Variants in R3HCC1 observed in about 807,000 individuals in gnomAD.
The protein encoded by R3HCC1 is R3H domain and coiled-coil containing 1, also known as R3H and coiled-coil domain-containing protein 1.
R3HCC1 carries 32 observed loss-of-function variants against 40.0 expected under a neutral mutation model. The observed-to-expected ratio is 0.80, with a 90% CI of 0.60 to 1.07. The LOEUF (loss-of-function observed/expected upper bound fraction) is 1.07. R3HCC1 is among the 50% of genes least tolerant of loss of function. R3HCC1 has a pLI of 0.00. For synonymous variants in R3HCC1, 237 were observed against 232.8 expected, an observed-to-expected ratio of 1.02 and a Z score of -0.17; for missense variants, 586 against 563.3, an observed-to-expected ratio of 1.04 and a Z score of -0.41.
rs1264915999 is a variant in R3HCC1 at position 23,290,276 on chromosome 8, G to A, written c.659G>A (p.Ser220Asn). The A allele has an allele frequency of 1.2e-5, 19 of 1,551,680 alleles. No individual in the cohort carries two copies. The highest frequency in any genetic ancestry group is 9.6e-5 in the African/African-American group (7 of 73,062). The change falls in exon 4 of 8, where the codon AGT becomes AAT. Residue 220 changes from serine (S) to asparagine (N), a missense_variant. By Grantham distance (46) the Ser-to-Asn change is conservative (BLOSUM62 1). Transcript: ENST00000265806. ...GGCCCTGAGCCTCTGGGGCCTGAGA[G>A]TCAGTCAGGGAAGGGAGACATGGTG...
Position 23,289,868 on chromosome 8 carries a change from T to C in R3HCC1, c.251T>C (p.Val84Ala), listed in dbSNP as rs551350647. Reference sequence around the variant, plus strand: ...ACCTCCTCCCATTCCTGCTCCAGGGTACCCAGTTCGGATGGCCTCTCTGGC... The same window carrying C: ...ACCTCCTCCCATTCCTGCTCCAGGGCACCCAGTTCGGATGGCCTCTCTGGC... The change falls in exon 4 of 8, where the codon GTA (valine) becomes GCA (alanine). Residue 84 changes from valine to alanine, a missense_variant and splice_region_variant. By Grantham distance (64) the Val-to-Ala change is moderately conservative (BLOSUM62 0). Coordinates refer to ENST00000265806, the MANE Select transcript of R3HCC1 (RefSeq NM_001136108.3). The C allele has an allele frequency of 6.6e-7, 1 of 1,507,816 alleles. No homozygotes were observed. Among genetic ancestry groups the C allele is most frequent in the East Asian group, 2.5e-5 (1 of 40,636 alleles). 93.4% of individuals were successfully genotyped at this position (1,507,816 alleles called of 1,614,324 possible).
In R3HCC1 at chr8:23,290,175, G is replaced by A. The variant is rs1802832732; in HGVS notation, c.558G>A (p.Val186=). 6.4e-7 allele frequency: 1 copy of A among 1,551,742 alleles called. No homozygotes were observed. The highest frequency in any genetic ancestry group is 2.4e-5 in the East Asian group (1 of 40,924). ...CCAACTCTGATCAGGGACTCCCTGT[G>A]CTGATGACTCAGGGAACAGAGGACC... Residue 186 remains valine, a synonymous_variant, in exon 4 of 8, where the codon GTG becomes GTA. Transcript: ENST00000265806.
rs1300778804 is a variant in R3HCC1 at position 23,296,248 on chromosome 8, A to G, written c.*151A>G. 1.3e-5 allele frequency: 12 copies of G among 924,966 alleles called. No individual in the cohort carries two copies. The highest frequency in any genetic ancestry group is 3.5e-4 in the Middle Eastern group (1 of 2,864). 57.3% of individuals were successfully genotyped at this position (924,966 alleles called of 1,614,324 possible). ...CTTTAGTTTAGTCCCAGAAATGGAG[A>G]AAAAATAAAAACTCACGTTGTTCTA... On this transcript the variant is annotated 3_prime_UTR_variant, in exon 8 of 8. Coordinates refer to ENST00000265806, the MANE Select transcript of R3HCC1 (RefSeq NM_001136108.3).
At chr8:23,291,666 G>A in intron 5 of R3HCC1, 133 bp downstream of exon 5, 1 of 1,405,398 alleles carries the variant, frequency 7.1e-7, no homozygotes, top group Non-Finnish European at 9.5e-7. Context: ...TGTGTTGCCT[G>A]GGCTCTGTAT....
chr8:23,290,945 G>T, intron 4 of R3HCC1: 1 of 211,372 alleles, frequency 4.7e-6, no homozygotes, highest in Non-Finnish European at 9.6e-6. Context: ...TATACATGAA[G>T]AATGCAGACC....
At chr8:23,293,204 C>T in intron 5 of R3HCC1, 99 bp from the exon 6 acceptor site, 1 of 916,784 alleles carries the variant, frequency 1.1e-6, no homozygotes, top group Non-Finnish European at 1.7e-6. Flanking sequence ...AGGCTGGTGG[C>T]ATCTGCGGGC....
chr8:23,290,972 T>C, intron 4 of R3HCC1: 1 of 206,814 alleles, frequency 4.8e-6, no homozygotes, highest in Non-Finnish European at 9.9e-6. Flanking sequence ...CTGCCAAATA[T>C]CACATCACTA....
chr8:23,292,652 C>T (rs964018350), intron 5 of R3HCC1, among the ~76,000 whole-genome samples: 14 of 152,128 alleles, frequency 9.2e-5, no homozygotes, highest in African/African-American at 3.4e-4. Flanking sequence ...AACCCCTTTC[C>T]ACGTGGCCCT....
chr8:23,292,092 C>CTCCCCT (rs1802879756), intron 5 of R3HCC1, among the ~76,000 whole-genome samples: 1 of 152,110 alleles, frequency 6.6e-6, no homozygotes, highest in South Asian at 2.1e-4. Context: ...ATTTTGCCTT[C>CTCCCCT]TCCCCTTCCC....
At chr8:23,293,692 G>A (rs1296128687) in intron 6 of R3HCC1, among the ~76,000 whole-genome samples, 4 of 152,214 alleles carry the variant, frequency 2.6e-5, no homozygotes, top group African/African-American at 9.6e-5. Flanking sequence ...ACAGCAAAGT[G>A]CTGCTTTAAC....
Position 23,293,224 on chromosome 8 carries a change from G to T in R3HCC1, c.1026-79G>T, listed in dbSNP as rs944221413. On this transcript the variant is annotated intron_variant, in intron 5 of 7. Transcript: ENST00000265806. ...GGTGGCATCTGCGGGCTGGAGGCGA[G>T]GGGGTGTGGCTGCGGGATTCGAAGA... 4.2e-5 allele frequency: 50 copies of T among 1,201,932 alleles called. No individual in the cohort carries two copies. In the South Asian group the frequency reaches 5.8e-4, roughly 14 times the overall value. The allele number at this position is 1,201,932 out of a possible 1,614,324, so 74.5% of individuals were successfully genotyped here.
chr8:23,293,406 C>G, intron 6 of R3HCC1, 33 bp downstream of exon 6: 1 of 1,515,808 alleles, frequency 6.6e-7, no homozygotes, highest in Non-Finnish European at 9.0e-7. Context: ...AGCCCTTGCT[C>G]GGATCCCTGT....
rs1354745245 is a variant in R3HCC1 at position 23,288,126 on chromosome 8, C to G, written c.-50C>G. 1.0e-5 allele frequency: 13 copies of G among 1,257,562 alleles called. No individual in the cohort carries two copies. The highest frequency in any genetic ancestry group is 1.2e-5 in the Non-Finnish European group (12 of 975,186). The allele number at this position is 1,257,562 out of a possible 1,614,324, so 77.9% of individuals were successfully genotyped here. On this transcript the variant is annotated 5_prime_UTR_variant, in exon 1 of 8. Transcript: ENST00000265806. ...CGGGCGCGCTGGCCCCTGGGGACGC[C>G]GAGGGCGGCTGCGACGCGCCGAGAG...
intron 6 of R3HCC1, among the ~76,000 whole-genome samples, chr8:23,294,487 G>A (rs1261729437): frequency 6.6e-6 from 1 of 152,150 alleles, no homozygotes; most frequent in Non-Finnish European, 1.5e-5. Flanking sequence ...CTGGGAGCCC[G>A]CCTCTTCTGA....
intron 7 of R3HCC1, among the ~76,000 whole-genome samples, 169 bp from the exon 8 acceptor site, chr8:23,295,798 T>C (rs976717775): frequency 3.9e-5 from 6 of 152,204 alleles, no homozygotes; most frequent in African/African-American, 1.4e-4. Context: ...GATCCCTAAG[T>C]TGGCCCCCTC....
Position 23,295,526 on chromosome 8 carries a change from C to T in R3HCC1, c.1193-441C>T, listed in dbSNP as rs575622141. The T allele has an allele frequency of 2.0e-5, 9 of 461,034 alleles. No homozygotes were observed. In the East Asian group the frequency reaches 4.8e-4, roughly 25 times the overall value. The allele number at this position is 461,034 out of a possible 1,614,324, so 28.6% of individuals were successfully genotyped here. A position where few individuals can be genotyped will look rare whatever the true frequency, so the allele number is the denominator to read the frequency against. Reference sequence around the variant, plus strand: ...CAAAGTAGTAACTAGTAAAATGGACCTGCAAGAGGCCTGCCGAGGCCAGCT... The same window carrying T: ...CAAAGTAGTAACTAGTAAAATGGACTTGCAAGAGGCCTGCCGAGGCCAGCT... On this transcript the variant is annotated intron_variant, in intron 7 of 7. Transcript: ENST00000265806.
intron 5 of R3HCC1, among the ~76,000 whole-genome samples, chr8:23,292,183 A>C (rs917330225): frequency 1.3e-5 from 2 of 151,024 alleles, no homozygotes; most frequent in Non-Finnish European, 2.9e-5. Flanking sequence ...GCAGGGGTGC[A>C]GTGGTACGAT....
chr8:23,294,914 C>CGT (rs1209588174), intron 7 of R3HCC1, 50 bp downstream of exon 7: 2 of 1,186,806 alleles, frequency 1.7e-6, no homozygotes, highest in African/African-American at 3.1e-5. Flanking sequence ...TGTGTGTGTG[C>CGT]GTGCGAGCAT....
At chr8:23,295,408 GA>G in intron 7 of R3HCC1, 2 of 454,818 alleles carry the variant, frequency 4.4e-6, no homozygotes, top group Non-Finnish European at 8.8e-6. Flanking sequence ...AGGGCACATA[GA>G]AGGTACCAGA....
Sources: gnomAD v4.1 joint callset for allele counts (sites outside exome capture counted in the v4.1 genomes callset) on GRCh38, gnomAD v4.1.1 for gene constraint, MANE v1.5 for transcripts, NCBI Gene and HGNC (gene_info 2026-07-23, HGNC 2026-07-21) for gene names.